SGMS1: variants seen among roughly 807,000 people sequenced by gnomAD.
SGMS1 encodes sphingomyelin synthase 1.
SGMS1 carries 13 observed loss-of-function variants against 46.2 expected under a neutral mutation model. That is an observed-to-expected ratio of 0.28 (90% CI 0.18 to 0.45). The LOEUF is 0.45. SGMS1 is among the 20% of genes least tolerant of loss of function. The pLI is 1.00. For missense variants in SGMS1, 324 were observed against 519.9 expected, an observed-to-expected ratio of 0.62 and a Z score of 3.66; for synonymous variants, 203 against 187.8, an observed-to-expected ratio of 1.08 and a Z score of -0.66.
chr10:50,504,760 A>G (rs1837692792), intron 3 of SGMS1, among the ~76,000 whole-genome samples: 2 of 152,170 alleles, frequency 1.3e-5, no homozygotes, highest in Admixed American at 1.3e-4. Context: ...GTTTAGAAAA[A>G]CATTTCTGAG....
upstream of SGMS1, chr10:50,624,930 T>C (rs376728936): frequency 1.7e-5 from 17 of 1,015,984 alleles, no homozygotes; most frequent in South Asian, 2.2e-4. Flanking sequence ...CACGTGACTG[T>C]CCGCGGCGCT....
chr10:50,468,476 T>C (rs184688867), intron 3 of SGMS1, among the ~76,000 whole-genome samples: 54 of 152,342 alleles, frequency 3.5e-4, no homozygotes, highest in African/African-American at 1.3e-3. Flanking sequence ...CGTTATCTTT[T>C]TGTACATCAA....
rs577986513 is a variant in SGMS1, at chr10:50,604,997, T to A, written c.-683-14750A>T. Among the ~76,000 whole-genome samples the A allele has an allele frequency of 2.0e-5, 3 of 152,342 alleles. No homozygotes were observed. In the East Asian group the frequency reaches 5.8e-4, roughly 29 times the overall value. ...GGCATTGTTTAAAACCACCAGTTAG[T>A]CACATTTGATTTTTATCAGGCCTAT... On this transcript the variant is annotated intron_variant, in intron 1 of 10. Transcript: ENST00000361781.
intron 1 of SGMS1, among the ~76,000 whole-genome samples, chr10:50,615,600 G>A (rs972421053): frequency 6.6e-6 from 1 of 152,154 alleles, no homozygotes; most frequent in East Asian, 1.9e-4. Context: ...GAGAGCTATT[G>A]CTTATCTAGG....
intron 2 of SGMS1, among the ~76,000 whole-genome samples, chr10:50,560,543 TTA>T (rs2131837944): frequency 6.9e-6 from 1 of 144,732 alleles, no homozygotes; most frequent in African/African-American, 2.5e-5. Flanking sequence ...TACATAATAT[TTA>T]TGTGTAATAT....
intron 1 of SGMS1, among the ~76,000 whole-genome samples, chr10:50,607,173 T>C (rs1838705621): frequency 6.7e-6 from 1 of 149,488 alleles, no homozygotes; most frequent in Non-Finnish European, 1.5e-5. Flanking sequence ...GGTAGAGATA[T>C]GGTTCTGCTA....
intron 2 of SGMS1, among the ~76,000 whole-genome samples, chr10:50,550,283 C>A (rs987692374): frequency 6.6e-6 from 1 of 152,174 alleles, no homozygotes. Flanking sequence ...TGCAAAAATC[C>A]TTGGTAGCAA....
rs772026516 is a variant in SGMS1 at position 50,343,644 on chromosome 10, G to A, written c.471C>T (p.His157=). The change falls in exon 7 of 11, where the codon CAC becomes CAT. Residue 157 remains histidine (H), a synonymous_variant. Coordinates refer to ENST00000361781, the MANE Select transcript of SGMS1 (RefSeq NM_147156.4). ...GCACCTCCTTAGGAGGTACTCGTTC[G>A]TGGACGACCGAGATCATCACTGTGG... The part of the protein sequence containing the change: ...VLTTVMISVV[H]ERVPPKEVQP... 1.3e-5 allele frequency: 21 copies of A among 1,613,672 alleles called. No individual in the cohort carries two copies. Among genetic ancestry groups the A allele is most frequent in the Admixed American group, 1.0e-4 (6 of 59,990 alleles).
At chr10:50,565,006 T>C (rs927658335) in intron 2 of SGMS1, among the ~76,000 whole-genome samples, 1 of 152,154 alleles carries the variant, frequency 6.6e-6, no homozygotes. Flanking sequence ...TCCAGCCCCA[T>C]ATTGTAAGTC....
intron 8 of SGMS1, among the ~76,000 whole-genome samples, chr10:50,323,955 ATATC>A (rs1564874379): frequency 1.3e-5 from 2 of 152,224 alleles, no homozygotes; most frequent in East Asian, 1.9e-4. Flanking sequence ...GGTAGGAACT[ATATC>A]TACCTTCCTC....
intron 5 of SGMS1, among the ~76,000 whole-genome samples, chr10:50,451,416 C>T (rs559526922): frequency 8.4e-4 from 128 of 152,306 alleles, no homozygotes; most frequent in African/African-American, 2.9e-3. Context: ...CTACTCTGAT[C>T]ATTAAAACTT....
intron 3 of SGMS1, among the ~76,000 whole-genome samples, chr10:50,487,443 C>T (rs1005835988): frequency 2.0e-5 from 3 of 152,026 alleles, no homozygotes; most frequent in Non-Finnish European, 4.4e-5. Context: ...ACATGTTTGC[C>T]TATGTAACAA....
intron 6 of SGMS1, among the ~76,000 whole-genome samples, chr10:50,375,736 T>C (rs1848513750): frequency 6.6e-6 from 1 of 152,200 alleles, no homozygotes; most frequent in South Asian, 2.1e-4. Context: ...AACACTAGTG[T>C]GCCCAGATTA....
In SGMS1 at chr10:50,343,759, G is replaced by T. The variant is rs1349802590; in HGVS notation, c.356C>A (p.Pro119His). The change falls in exon 7 of 11, where the codon CCC (proline) becomes CAC (histidine). Residue 119 changes from proline (P) to histidine (H), a missense_variant. Pro to His is a moderately conservative substitution (Grantham distance 77, BLOSUM62 -2). Coordinates refer to ENST00000361781, the MANE Select transcript of SGMS1 (RefSeq NM_147156.4). ...NGYRKEMIKIPMPELERSQYP... is the reference protein window; with the variant it reads ...NGYRKEMIKIHMPELERSQYP... ...CTGAGAGCGCTCCAGTTCTGGCATG[G>T]GGATCTTTATCATCTCTTTCCTATA... The T allele has an allele frequency of 1.2e-6, 2 of 1,614,008 alleles. No individual in the cohort carries two copies. Among genetic ancestry groups the T allele is most frequent in the African/African-American group, 2.7e-5 (2 of 74,900 alleles).
At chr10:50,355,690 G>T (rs1848132010) in intron 6 of SGMS1, among the ~76,000 whole-genome samples, 1 of 152,248 alleles carries the variant, frequency 6.6e-6, no homozygotes, top group Non-Finnish European at 1.5e-5. Flanking sequence ...CTGCACGGCT[G>T]CCACCCCGTC....
At chr10:50,535,371 T>C (rs987686614) in intron 2 of SGMS1, among the ~76,000 whole-genome samples, 1 of 150,286 alleles carries the variant, frequency 6.7e-6, no homozygotes, top group Admixed American at 6.6e-5. Context: ...AGCAAGCTTA[T>C]TTTTTTTTTC....
At chr10:50,437,569 C>A (rs1034253028) in intron 5 of SGMS1, among the ~76,000 whole-genome samples, 1 of 152,100 alleles carries the variant, frequency 6.6e-6, no homozygotes, top group Non-Finnish European at 1.5e-5. Context: ...AAGACACAGG[C>A]CAGGAGCAGG....
intron 6 of SGMS1, among the ~76,000 whole-genome samples, chr10:50,344,857 C>T (rs1187379849): frequency 6.7e-6 from 1 of 150,090 alleles, no homozygotes; most frequent in Non-Finnish European, 1.5e-5. Flanking sequence ...GGCGACAGAG[C>T]GAGATTCCTT....
rs186162817 is a variant in SGMS1 at position 50,576,995 on chromosome 10, G to A, written c.-589+13158C>T. On this transcript the variant is annotated intron_variant, in intron 2 of 10. Transcript: ENST00000361781. Reference sequence around the variant, plus strand: ...ATAGAGCTGGGACTTAAAGCCCTGGGAGTGAACTAGTTCTAGGCAAGATCA... The same window carrying A: ...ATAGAGCTGGGACTTAAAGCCCTGGAAGTGAACTAGTTCTAGGCAAGATCA... Among the ~76,000 whole-genome samples, 149 of 152,314 alleles carry A rather than the reference G, an allele frequency of 9.8e-4. 2 individuals carry two copies. The highest frequency in any genetic ancestry group is 6.2e-4 in the South Asian group (3 of 4,828).
Sources: allele counts gnomAD v4.1 joint callset (sites outside exome capture counted in the v4.1 genomes callset), GRCh38; gene constraint gnomAD v4.1.1; transcripts MANE v1.5; gene names NCBI Gene and HGNC (gene_info 2026-07-23, HGNC 2026-07-21).